The following GSTCD variants were observed in gnomAD, a reference collection of about 807,000 sequenced individuals.
The protein encoded by GSTCD is glutathione S-transferase C-terminal domain-containing protein.
In GSTCD, 44 loss-of-function variants were observed where a neutral mutation model predicts 68.3. The observed-to-expected ratio is 0.64, with a 90% CI of 0.51 to 0.83. The LOEUF is 0.83. GSTCD is among the 40% of genes least tolerant of loss of function. GSTCD has a pLI of 0.00. For synonymous variants in GSTCD, 273 were observed against 255.2 expected, an observed-to-expected ratio of 1.07 and a Z score of -0.67; for missense variants, 739 against 735.9, an observed-to-expected ratio of 1.00 and a Z score of -0.05.
At chr4:105,822,869 T>C in intron 5 of GSTCD, 85 bp from the exon 6 acceptor site, 1 of 874,790 alleles carries the variant, frequency 1.1e-6, no homozygotes, top group Non-Finnish European at 1.9e-6. Context: ...CCTCCTCCTC[T>C]ATGCTGGTAG....
At chr4:105,766,775 T>A (rs182007312) in intron 5 of GSTCD, among the ~76,000 whole-genome samples, 1 of 152,194 alleles carries the variant, frequency 6.6e-6, no homozygotes, top group East Asian at 1.9e-4. Flanking sequence ...TAAATTACTC[T>A]GACGTTGACT....
chr4:105,720,813 G>C (rs1043820694), intron 3 of GSTCD, among the ~76,000 whole-genome samples: 1 of 152,104 alleles, frequency 6.6e-6, no homozygotes, highest in Non-Finnish European at 1.5e-5. Flanking sequence ...TTGGTCTTCT[G>C]TCTTCTTGAC....
At chr4:105,840,616 G>T (rs564212079) in intron 10 of GSTCD, among the ~76,000 whole-genome samples, 9 of 152,302 alleles carry the variant, frequency 5.9e-5, no homozygotes, top group African/African-American at 2.2e-4. Flanking sequence ...CAGCTGTTCT[G>T]AATGAACAGT....
chr4:105,723,051 G>T (rs1213883501), intron 3 of GSTCD, among the ~76,000 whole-genome samples: 3 of 151,804 alleles, frequency 2.0e-5, no homozygotes, highest in Admixed American at 2.0e-4. Context: ...ATGAATTATT[G>T]TTATTTAATT....
chr4:105,814,820 T>G (rs550416818), intron 5 of GSTCD, among the ~76,000 whole-genome samples: 9 of 152,254 alleles, frequency 5.9e-5, no homozygotes, highest in African/African-American at 2.2e-4. Context: ...CCCTTGCTGC[T>G]GAGATCCTAA....
In GSTCD at chr4:105,718,936, C is replaced by T. The variant is rs546337163; in HGVS notation, c.427-124C>T. On this transcript the variant is annotated intron_variant, in intron 2 of 11. Transcript: ENST00000515279. ...CACTGTGATGTGTCTCCTGATACAACATAAAAGCCTAGCCCAGGGATGATT... is the reference window on the plus strand; with the variant it reads ...CACTGTGATGTGTCTCCTGATACAATATAAAAGCCTAGCCCAGGGATGATT... 157 of 713,386 alleles carry T rather than the reference C, an allele frequency of 2.2e-4. 2 individuals carry two copies. The South Asian group carries it at 2.9e-3, about 13-fold the overall frequency. The allele number at this position is 713,386 out of a possible 1,614,324, so 44.2% of individuals were successfully genotyped here.
chr4:105,746,205 T>TA (rs1252653968), intron 5 of GSTCD: 1 of 152,156 alleles, frequency 6.6e-6, no homozygotes, highest in Non-Finnish European at 1.5e-5. Flanking sequence ...TTATATGTAT[T>TA]ATAATAAAGT....
intron 5 of GSTCD, among the ~76,000 whole-genome samples, chr4:105,789,511 A>T (rs1324510840): frequency 6.6e-6 from 1 of 151,988 alleles, no homozygotes; most frequent in Non-Finnish European, 1.5e-5. Flanking sequence ...TGAGGGTCTC[A>T]GATCCTCACT....
At chr4:105,836,245 G>T (rs916799688) in intron 9 of GSTCD, among the ~76,000 whole-genome samples, 4 of 152,234 alleles carry the variant, frequency 2.6e-5, no homozygotes, top group African/African-American at 7.2e-5. Flanking sequence ...CCGCAGGCAG[G>T]TCATCCATTG....
At chr4:105,773,273 GTCTA>G (rs1199389562) in intron 5 of GSTCD, among the ~76,000 whole-genome samples, 3 of 152,002 alleles carry the variant, frequency 2.0e-5, no homozygotes, top group Non-Finnish European at 2.9e-5. Flanking sequence ...CTGGCTAGCT[GTCTA>G]TCTATTTTGT....
intron 5 of GSTCD, among the ~76,000 whole-genome samples, chr4:105,775,146 G>T (rs185759624): frequency 2.2e-4 from 33 of 152,036 alleles, no homozygotes; most frequent in African/African-American, 6.8e-4. Context: ...GATTGATTAG[G>T]CTATTGATAC....
At chr4:105,761,217 T>C (rs559514328) in intron 5 of GSTCD, 1 of 173,662 alleles carries the variant, frequency 5.8e-6, no homozygotes, top group Admixed American at 6.2e-5. Flanking sequence ...TTGGCCAGGC[T>C]GGTCTCGAAC....
chr4:105,808,150 A>G (rs1435609353), intron 5 of GSTCD, among the ~76,000 whole-genome samples: 1 of 151,994 alleles, frequency 6.6e-6, no homozygotes, highest in Non-Finnish European at 1.5e-5. Context: ...AAAGTTGATC[A>G]TTTTTCTCTT....
intron 5 of GSTCD, among the ~76,000 whole-genome samples, chr4:105,743,246 A>T (rs188825516): frequency 6.6e-6 from 1 of 152,034 alleles, no homozygotes; most frequent in Non-Finnish European, 1.5e-5. Context: ...CACCGCACCC[A>T]GCCTGTAATT....
intron 5 of GSTCD, among the ~76,000 whole-genome samples, chr4:105,771,849 A>C (rs1245949765): frequency 6.6e-6 from 1 of 152,084 alleles, no homozygotes; most frequent in Non-Finnish European, 1.5e-5. Context: ...TCTTGGCTAT[A>C]CAGGCTCTTT....
intron 1 of GSTCD, among the ~76,000 whole-genome samples, chr4:105,713,628 A>G (rs911370519): frequency 1.3e-5 from 2 of 152,180 alleles, no homozygotes; most frequent in Admixed American, 6.5e-5. Flanking sequence ...TGTGAGCATT[A>G]GAAGTAATGC....
At chr4:105,756,868 A>G (rs1482145583) in intron 5 of GSTCD, among the ~76,000 whole-genome samples, 1 of 152,140 alleles carries the variant, frequency 6.6e-6, no homozygotes, top group Non-Finnish European at 1.5e-5. Context: ...GTTAAGACAC[A>G]CTGTCCGTCA....
At chr4:105,763,717 C>G (rs1369608329) in intron 5 of GSTCD, among the ~76,000 whole-genome samples, 2 of 152,094 alleles carry the variant, frequency 1.3e-5, no homozygotes, top group African/African-American at 4.8e-5. Flanking sequence ...ACTATTATGT[C>G]TGAGGTATAC....
chr4:105,794,836 TATTTATCTATCTATCTATC>T (rs1735813751), intron 5 of GSTCD, among the ~76,000 whole-genome samples: 4 of 95,092 alleles, frequency 4.2e-5, no homozygotes, highest in African/African-American at 3.5e-4. Flanking sequence ...TCTATCTATC[TATTTATCTATCTATCTATC>T]TATCTATCTA....
Sources: gnomAD v4.1 joint callset for allele counts (sites outside exome capture counted in the v4.1 genomes callset) on GRCh38, gnomAD v4.1.1 for gene constraint, MANE v1.5 for transcripts, NCBI Gene and HGNC (gene_info 2026-07-23, HGNC 2026-07-21) for gene names.